Variants in TBATA observed in about 807,000 individuals in gnomAD.
TBATA encodes the protein protein TBATA.
In TBATA, 47 loss-of-function variants were observed where a neutral mutation model predicts 38.7. The ratio of observed to expected loss-of-function variants is 1.21; its 90% CI spans 0.96 to 1.55. The LOEUF is 1.55. Ranked by LOEUF, TBATA falls within the 40% of genes most tolerant of loss-of-function variation. The pLI is 0.00. For synonymous variants in TBATA, 183 were observed against 170.5 expected (o/e 1.07, Z -0.57); for missense variants, 436 against 435.6 (o/e 1.00, Z -0.01).
At chr10:70,771,593 G>A in intron 10 of TBATA, 132 bp from the exon 11 acceptor site, 1 of 816,024 alleles carries the variant, frequency 1.2e-6, no homozygotes, top group Non-Finnish European at 1.9e-6. Context: ...AGCTCTGCTG[G>A]TGACCGAGGA....
rs762956554 is a variant in TBATA, at chr10:70,775,274, T to C, written c.694-4A>G. On this transcript the variant is annotated splice_polypyrimidine_tract_variant and splice_region_variant and intron_variant, in intron 7 of 10. Coordinates refer to ENST00000456372, the MANE Select transcript of TBATA (RefSeq NM_001318241.2). Reference sequence around the variant, plus strand: ...TCCGACACAGGAGCTCCAGGACCTGTGGGCAGGAGGCCAGCACATTCCAGC... The same window carrying C: ...TCCGACACAGGAGCTCCAGGACCTGCGGGCAGGAGGCCAGCACATTCCAGC... The C allele has an allele frequency of 8.1e-6, 13 of 1,613,620 alleles. No individual in the cohort carries two copies. In the Admixed American group the frequency reaches 1.8e-4, roughly 23 times the overall value.
rs1159451546 is a variant in TBATA at position 70,777,358 on chromosome 10, A to G, written c.508-20T>C. 6.2e-7 allele frequency: 1 copy of G among 1,608,058 alleles called. No individual in the cohort carries two copies. The highest frequency in any genetic ancestry group is 8.5e-7 in the Non-Finnish European group (1 of 1,176,954). On this transcript the variant is annotated intron_variant, in intron 6 of 10. Transcript: ENST00000456372. Reference sequence around the variant, plus strand: ...CTTCTGCTGGGACAAAAGTGGCCAGAGACTCCAGGCAGTCAGCAAGAGGGG... The same window carrying G: ...CTTCTGCTGGGACAAAAGTGGCCAGGGACTCCAGGCAGTCAGCAAGAGGGG...
At chr10:70,773,830 T>C (rs183169451) in intron 9 of TBATA, among the ~76,000 whole-genome samples, 59 of 152,346 alleles carry the variant, frequency 3.9e-4, no homozygotes, top group African/African-American at 1.3e-3. Flanking sequence ...ATCTTTCTCT[T>C]CCAGCCATCA....
Position 70,771,329 on chromosome 10 carries a change from C to G in TBATA, c.*47G>C. 6.2e-7 allele frequency: 1 copy of G among 1,614,066 alleles called. No homozygotes were observed. The highest frequency in any genetic ancestry group is 8.5e-7 in the Non-Finnish European group (1 of 1,179,920). On this transcript the variant is annotated 3_prime_UTR_variant, in exon 11 of 11. Transcript: ENST00000456372. ...TGGTGGAGACAGAAACACCCCTGAACCCTTGGGGCTGCTCTTGAGCAAGGC... is the reference window on the plus strand; with the variant it reads ...TGGTGGAGACAGAAACACCCCTGAAGCCTTGGGGCTGCTCTTGAGCAAGGC...
At chr10:70,774,409 C>T (rs1192862120) in intron 8 of TBATA, 52 bp from the exon 9 acceptor site, 1 of 1,524,608 alleles carries the variant, frequency 6.6e-7, no homozygotes, top group Non-Finnish European at 8.8e-7. Context: ...CCCTTCCTGT[C>T]CCTGTGGCGG....
intron 2 of TBATA, among the ~76,000 whole-genome samples, chr10:70,784,269 A>G (rs958522833): frequency 1.3e-5 from 2 of 152,202 alleles, no homozygotes; most frequent in South Asian, 2.1e-4. Context: ...AGAAGCGCAT[A>G]TAAGGAGATG....
chr10:70,777,382 G>T (rs1465091996), intron 6 of TBATA, 44 bp from the exon 7 acceptor site: 1 of 1,577,746 alleles, frequency 6.3e-7, no homozygotes, highest in Non-Finnish European at 8.6e-7. Context: ...CAGCAAGAGG[G>T]GAGGAAGAGG....
chr10:70,775,077 AG>A, intron 8 of TBATA, 111 bp downstream of exon 8: 1 of 972,608 alleles, frequency 1.0e-6, no homozygotes. Context: ...CCTCCATGGA[AG>A]GCCCCCTCCA....
intron 4 of TBATA, among the ~76,000 whole-genome samples, chr10:70,780,849 T>C (rs1352183965): frequency 2.6e-5 from 4 of 152,160 alleles, no homozygotes; most frequent in African/African-American, 9.7e-5. Flanking sequence ...CGCCAAGTCC[T>C]ACTGACTTTA....
At chr10:70,780,632 C>T (rs575355669) in intron 4 of TBATA, among the ~76,000 whole-genome samples, 89 of 152,242 alleles carry the variant, frequency 5.8e-4, no homozygotes, top group African/African-American at 2.1e-3. Flanking sequence ...ACTGCACCCC[C>T]GTACCTCCAC....
chr10:70,781,988 C>G lies in TBATA; in HGVS notation c.90G>C (p.Arg30Ser). Residue 30 changes from arginine to serine, a missense_variant, in exon 4 of 11, where the codon AGG becomes AGC. By Grantham distance (110) the Arg-to-Ser change is moderately radical (BLOSUM62 -1). Transcript: ENST00000456372. The stretch of plus-strand genomic sequence containing the variant: ...TCTGTGGCCCACTGTCCCTGGGGCT[C>G]CTTGGCTTGCGCCCTGACTTCTTCT... ...KLEKKSGRKP[R>S]SPRDSGPQKE... 1 of 1,614,238 alleles carries G rather than the reference C, an allele frequency of 6.2e-7. No individual in the cohort carries two copies. Among genetic ancestry groups the G allele is most frequent in the Non-Finnish European group, 8.5e-7 (1 of 1,180,042 alleles).
At chr10:70,778,344 A>C (rs1843689954) in intron 6 of TBATA, among the ~76,000 whole-genome samples, 2 of 152,028 alleles carry the variant, frequency 1.3e-5, no homozygotes, top group African/African-American at 4.8e-5. Flanking sequence ...TAGATATCGA[A>C]GGCCCCCAAG....
Position 70,783,397 on chromosome 10 carries a change from A to G in TBATA, c.-18T>C. On this transcript the variant is annotated 5_prime_UTR_variant, in exon 3 of 11. Transcript: ENST00000456372. The stretch of plus-strand genomic sequence containing the variant: ...GTAGCCATTGTATGCTTTTTAACAG[A>G]CTAAAGGCCAGTGCACTTAATACTA... 2 of 1,614,024 alleles carry G rather than the reference A, an allele frequency of 1.2e-6. No homozygotes were observed. The highest frequency in any genetic ancestry group is 1.1e-5 in the South Asian group (1 of 91,076).
chr10:70,780,118 G>A (rs1013049954), intron 4 of TBATA, among the ~76,000 whole-genome samples: 7 of 152,160 alleles, frequency 4.6e-5, no homozygotes, highest in East Asian at 1.9e-4. Flanking sequence ...ATGCTGGGGC[G>A]AGGGCATTAT....
Position 70,781,964 on chromosome 10 carries a change from C to T in TBATA, c.114G>A (p.Gln38=). Residue 38 remains glutamine, a synonymous_variant, in exon 4 of 11, where the codon CAG becomes CAA. Coordinates refer to ENST00000456372, the MANE Select transcript of TBATA (RefSeq NM_001318241.2). ...KPRSPRDSGP[Q]KELVIPGIVD... is the part of the protein sequence containing the mutation. ...CAATCCCTGGGATCACCAGTTCTTT[C>T]TGTGGCCCACTGTCCCTGGGGCTCC... 8 of 1,614,260 alleles carry T rather than the reference C, an allele frequency of 5.0e-6. No homozygotes were observed. Among genetic ancestry groups the T allele is most frequent in the African/African-American group, 1.3e-5 (1 of 75,072 alleles).
chr10:70,774,069 G>T (rs1843075199), intron 9 of TBATA, 144 bp downstream of exon 9: 8 of 1,133,098 alleles, frequency 7.1e-6, no homozygotes, highest in Non-Finnish European at 9.8e-6. Flanking sequence ...GAAGGTCCCT[G>T]GGGGAGGGGC....
chr10:70,783,557 A>T, intron 2 of TBATA, 32 bp from the exon 3 acceptor site: 1 of 652,838 alleles, frequency 1.5e-6, no homozygotes, highest in South Asian at 1.8e-5. Flanking sequence ...TATCTTTTAA[A>T]ATTGAGCATT....
intron 8 of TBATA, 48 bp downstream of exon 8, chr10:70,775,141 G>C: frequency 2.6e-6 from 4 of 1,556,284 alleles, no homozygotes; most frequent in Non-Finnish European, 3.5e-6. Flanking sequence ...TCAAGGGCAG[G>C]ACCTTGGCAG....
chr10:70,779,804 C>A, intron 4 of TBATA, 62 bp from the exon 5 acceptor site: 2 of 1,476,776 alleles, frequency 1.4e-6, no homozygotes, highest in Non-Finnish European at 1.8e-6. Context: ...CTCCAGGAGG[C>A]AGGGAAGAGG....
Sources: gnomAD v4.1 joint callset for allele counts (sites outside exome capture counted in the v4.1 genomes callset) on GRCh38, gnomAD v4.1.1 for gene constraint, MANE v1.5 for transcripts, NCBI Gene and HGNC (gene_info 2026-07-23, HGNC 2026-07-21) for gene names.